The following MTOR variants were observed in gnomAD, a reference collection of about 807,000 sequenced individuals.
MTOR encodes the protein serine/threonine-protein kinase mTOR.
Under a neutral mutation model 319.8 loss-of-function variants are expected in MTOR, and 70 were observed. The observed-to-expected ratio is 0.22, with a 90% CI of 0.18 to 0.27. MTOR has a LOEUF of 0.27. Ranked by LOEUF, MTOR falls within the 10% of genes least tolerant of loss-of-function variation. The probability of loss-of-function intolerance (pLI) is 1.00; values close to 1 mark genes in which losing one functional copy is unlikely to be tolerated. For synonymous variants in MTOR, 1,183 were observed against 1,211.4 expected (o/e 0.98, Z 0.49); for missense variants, 1,890 against 3,274.4 (o/e 0.58, Z 10.32).
intron 9 of MTOR, 98 bp downstream of exon 9, chr1:11,243,016 A>T: frequency 7.6e-7 from 1 of 1,322,146 alleles, no homozygotes; most frequent in Non-Finnish European, 1.1e-6. Flanking sequence ...GAGTTTAATG[A>T]TGCAAAAAAT....
rs1306018699 is a variant in MTOR at position 11,139,424 on chromosome 1, A to G, written c.5010T>C (p.His1670=). The G allele has an allele frequency of 6.2e-7, 1 of 1,614,134 alleles. No homozygotes were observed. Among genetic ancestry groups the G allele is most frequent in the Non-Finnish European group, 8.5e-7 (1 of 1,180,010 alleles). ...CGKSGRLALA[H]KTLVLLLGVD... is the part of the protein sequence containing the mutation. ...CTCCCAGGAGCAACACTAAAGTTTT[A>G]TGAGCAAGAGCCTTAAAAATAAGAG... The change falls in exon 36 of 58, where the codon CAT becomes CAC. Residue 1670 remains histidine, a synonymous_variant. Coordinates refer to ENST00000361445, the MANE Select transcript of MTOR (RefSeq NM_004958.4).
intron 34 of MTOR, among the ~76,000 whole-genome samples, chr1:11,143,240 C>T (rs543005695): frequency 6.6e-5 from 10 of 152,336 alleles, no homozygotes; most frequent in East Asian, 5.8e-4. Flanking sequence ...AGGAAAGTCA[C>T]GAAGGCTTAA....
chr1:11,116,894 C>A, intron 50 of MTOR, 110 bp downstream of exon 50: 1 of 799,770 alleles, frequency 1.3e-6, no homozygotes, highest in Non-Finnish European at 2.1e-6. Context: ...TATACAATAC[C>A]AATATTTATT....
chr1:11,216,743 C>G (rs907978837), intron 19 of MTOR, among the ~76,000 whole-genome samples: 3 of 151,950 alleles, frequency 2.0e-5, no homozygotes, highest in African/African-American at 7.3e-5. Context: ...ACAAGGCGAG[C>G]CAGTTACTGC....
intron 6 of MTOR, among the ~76,000 whole-genome samples, chr1:11,252,295 A>G (rs1316835184): frequency 6.6e-6 from 1 of 151,500 alleles, no homozygotes; most frequent in Admixed American, 6.6e-5. Context: ...TTTCTTTTTA[A>G]AAAGTTAAAA....
chr1:11,130,462 A>G, intron 39 of MTOR, 67 bp downstream of exon 39: 2 of 1,571,528 alleles, frequency 1.3e-6, no homozygotes, highest in Non-Finnish European at 1.7e-6. Flanking sequence ...TAAGCTTAAC[A>G]ACGATTCCAT....
At chr1:11,155,179 T>C (rs549371661) in intron 30 of MTOR, among the ~76,000 whole-genome samples, 38 of 152,274 alleles carry the variant, frequency 2.5e-4, no homozygotes, top group African/African-American at 8.4e-4. Flanking sequence ...CTATATTAAA[T>C]AGACTAGATT....
chr1:11,143,288 G>A (rs1487064319), intron 34 of MTOR, among the ~76,000 whole-genome samples: 1 of 152,144 alleles, frequency 6.6e-6, no homozygotes, highest in Non-Finnish European at 1.5e-5. Flanking sequence ...AAGTCAGACA[G>A]GCATCTCTCT....
At chr1:11,132,773 A>C (rs2100444176) in intron 38 of MTOR, 1 of 271,196 alleles carries the variant, frequency 3.7e-6, no homozygotes, top group African/African-American at 2.2e-5. Context: ...TCCAGAGATT[A>C]ACCATGTGTC....
intron 54 of MTOR, 69 bp downstream of exon 54, chr1:11,112,783 G>A (rs368307674): frequency 1.4e-5 from 21 of 1,535,266 alleles, no homozygotes; most frequent in African/African-American, 4.1e-5. Flanking sequence ...ACCGACTGAA[G>A]CCCACCCCAC....
At position 11,121,742 on chromosome 1, in the gene MTOR, C is replaced by T. The variant is rs948177107; in HGVS notation, c.6810+237G>A. On this transcript the variant is annotated intron_variant, in intron 48 of 57. Transcript: ENST00000361445. This position sits in a 1 kb window ranked among gnomAD's most constrained non-coding sequence, Gnocchi z 4.9. ...GTATACATTAGTAAATATATGGTGC[C>T]GAATATTTATCTGTCTAGTCTTCCC... is the stretch of plus-strand genomic sequence containing the variant. Among the ~76,000 whole-genome samples, 8 of 152,110 alleles carry T rather than the reference C, an allele frequency of 5.3e-5. No homozygotes were observed. The highest frequency in any genetic ancestry group is 1.0e-4 in the Non-Finnish European group (7 of 68,022).
chr1:11,128,303 C>A lies in MTOR; in HGVS notation c.5910+151G>T. 2.5e-6 allele frequency: 3 copies of A among 1,199,462 alleles called. No individual in the cohort carries two copies. The highest frequency in any genetic ancestry group is 3.5e-6 in the Non-Finnish European group (3 of 852,446). The allele number at this position is 1,199,462 out of a possible 1,614,324, so 74.3% of individuals were successfully genotyped here. A position where few individuals can be genotyped will look rare whatever the true frequency, so the allele number is the denominator to read the frequency against. ...CTTTCTTTTTAGCAAGGCTCCCGGG[C>A]CCTCTGGGACGGCTGGCTGGACAGA... is the stretch of plus-strand genomic sequence containing the variant. On this transcript the variant is annotated intron_variant, in intron 42 of 57. Transcript: ENST00000361445. This position sits in a 1 kb window ranked among gnomAD's most constrained non-coding sequence, Gnocchi z 5.3.
At chr1:11,250,618 CT>C (rs35962507) in intron 6 of MTOR, among the ~76,000 whole-genome samples, 92,849 of 151,844 alleles carry the variant, frequency 0.61, 31,429 homozygotes, top group East Asian at 0.87. Flanking sequence ...TACTAGTTCC[CT>C]TGTGCTTCTC....
rs1642884251 is a variant in MTOR, at chr1:11,127,264, A to AG, written c.6217-121dup. The AG allele has an allele frequency of 7.2e-7, 1 of 1,383,194 alleles. No individual in the cohort carries two copies. The highest frequency in any genetic ancestry group is 1.4e-5 in the African/African-American group (1 of 69,528). 85.7% of individuals were successfully genotyped at this position (1,383,194 alleles called of 1,614,324 possible). On this transcript the variant is annotated intron_variant, in intron 44 of 57. Transcript: ENST00000361445. This position sits in a 1 kb window ranked among gnomAD's most constrained non-coding sequence, Gnocchi z 5.5. Reference sequence around the variant, plus strand: ...CCCGCTGTGGCCTGAAAACACTGGCAGGGGGCTGGAGAAAGCAAGAGCATA... The same window carrying AG: ...CCCGCTGTGGCCTGAAAACACTGGCAGGGGGGCTGGAGAAAGCAAGAGCATA...
intron 6 of MTOR, among the ~76,000 whole-genome samples, chr1:11,248,716 G>A (rs1203041779): frequency 2.0e-5 from 3 of 152,182 alleles, no homozygotes; most frequent in African/African-American, 4.8e-5. Context: ...GGGGGCTGAG[G>A]CAGGAGAATC....
chr1:11,261,370 G>A (rs1332097337), intron 1 of MTOR, among the ~76,000 whole-genome samples: 3 of 151,736 alleles, frequency 2.0e-5, no homozygotes. Flanking sequence ...TACTCGGGAG[G>A]CTGAGGCAGG....
rs185773159 is a variant in MTOR, at chr1:11,131,064, G to C, written c.5365-287C>G. ...CTCAAGGGATCTCCCGGCCTCCTAGGGGAGCTCACGCACAAACCTGAAGAC... is the reference window on the plus strand; with the variant it reads ...CTCAAGGGATCTCCCGGCCTCCTAGCGGAGCTCACGCACAAACCTGAAGAC... On this transcript the variant is annotated intron_variant, in intron 38 of 57. Coordinates refer to ENST00000361445, the MANE Select transcript of MTOR (RefSeq NM_004958.4). The C allele has an allele frequency of 6.6e-4, 326 of 497,528 alleles. 1 individual carries two copies. The highest frequency in any genetic ancestry group is 5.3e-4 in the Non-Finnish European group (146 of 276,290). 30.8% of individuals were successfully genotyped at this position (497,528 alleles called of 1,614,324 possible). A position where few individuals can be genotyped will look rare whatever the true frequency, so the allele number is the denominator to read the frequency against.
At position 11,133,804 on chromosome 1, in the gene MTOR, A is replaced by G. The variant is rs1193077403; in HGVS notation, c.5246+547T>C. ...GAGTGGCACAGTGGCCCACACCTAT[A>G]ATCCCAGCATTTTGGAAGGCTGTGG... On this transcript the variant is annotated intron_variant, in intron 37 of 57. Transcript: ENST00000361445. This position sits in a 1 kb window ranked among gnomAD's most constrained non-coding sequence, Gnocchi z 4.0. Among the ~76,000 whole-genome samples the G allele has an allele frequency of 6.6e-6, 1 of 152,174 alleles. No homozygotes were observed. Among genetic ancestry groups the G allele is most frequent in the Non-Finnish European group, 1.5e-5 (1 of 68,040 alleles).
intron 49 of MTOR, among the ~76,000 whole-genome samples, chr1:11,118,500 G>T (rs1296397404): frequency 6.6e-6 from 1 of 151,452 alleles, no homozygotes; most frequent in Non-Finnish European, 1.5e-5. Flanking sequence ...CTCCTAAAGT[G>T]CTGGGATTAC....
Sources: allele counts gnomAD v4.1 joint callset (sites outside exome capture counted in the v4.1 genomes callset), GRCh38; gene constraint gnomAD v4.1.1; non-coding constraint Gnocchi (gnomAD v3.1); transcripts MANE v1.5; gene names NCBI Gene and HGNC (gene_info 2026-07-23, HGNC 2026-07-21).